Variants in CNTLN observed in about 807,000 individuals in gnomAD.
CNTLN encodes centlein, centrosomal protein.
Under a neutral mutation model 180.0 loss-of-function variants are expected in CNTLN, and 212 were observed. The ratio of observed to expected loss-of-function variants is 1.18; its 90% CI spans 1.05 to 1.32. The LOEUF (loss-of-function observed/expected upper bound fraction) is 1.32, where lower values mean the gene tolerates loss of function less well. Ranked by LOEUF, CNTLN falls within the 40% of genes most tolerant of loss-of-function variation. CNTLN has a pLI of 0.00. For synonymous variants in CNTLN, 722 were observed against 563.1 expected, an observed-to-expected ratio of 1.28 and a Z score of -3.99; for missense variants, 2,095 against 1,610.9, an observed-to-expected ratio of 1.30 and a Z score of -5.14.
intron 7 of CNTLN, among the ~76,000 whole-genome samples, chr9:17,308,415 AC>A (rs1818885727): frequency 6.6e-6 from 1 of 152,078 alleles, no homozygotes; most frequent in Admixed American, 6.6e-5. Flanking sequence ...CTACAGCCTT[AC>A]TGCTTGACTT....
At chr9:17,308,334 C>T (rs1818878209) in intron 7 of CNTLN, among the ~76,000 whole-genome samples, 2 of 152,194 alleles carry the variant, frequency 1.3e-5, no homozygotes, top group Admixed American at 1.3e-4. Context: ...TTAAGGTTTT[C>T]AGTAACTCCC....
At chr9:17,389,998 G>A (rs1313037916) in intron 14 of CNTLN, among the ~76,000 whole-genome samples, 1 of 152,104 alleles carries the variant, frequency 6.6e-6, no homozygotes, top group African/African-American at 2.4e-5. Flanking sequence ...GGAAGTCCAT[G>A]TGAAGACACA....
chr9:17,398,230 G>C (rs1320077767), intron 15 of CNTLN, among the ~76,000 whole-genome samples: 1 of 152,152 alleles, frequency 6.6e-6, no homozygotes, highest in Non-Finnish European at 1.5e-5. Flanking sequence ...GAAGTTTGTA[G>C]TGTTATTGAA....
intron 6 of CNTLN, among the ~76,000 whole-genome samples, chr9:17,282,969 C>T (rs764609987): frequency 5.9e-5 from 9 of 152,030 alleles, no homozygotes; most frequent in East Asian, 1.9e-4. Context: ...GTACCAGTAC[C>T]GTGTTGTTTT....
At chr9:17,268,747 A>T (rs201031031) in intron 5 of CNTLN, among the ~76,000 whole-genome samples, 3 of 147,962 alleles carry the variant, frequency 2.0e-5, no homozygotes, top group African/African-American at 5.0e-5. Context: ...AATGGCAGGC[A>T]CTCCTCCCCC....
intron 2 of CNTLN, among the ~76,000 whole-genome samples, chr9:17,197,239 T>C (rs1472838875): frequency 6.6e-6 from 1 of 152,236 alleles, no homozygotes; most frequent in Non-Finnish European, 1.5e-5. Flanking sequence ...ACTGTTCTAA[T>C]TTACGTGTTC....
At position 17,497,330 on chromosome 9, in the gene CNTLN, G is replaced by A. The variant is rs149539873; in HGVS notation, c.4120-5221G>A. Among the ~76,000 whole-genome samples, 306 of 152,248 alleles carry A rather than the reference G, an allele frequency of 2.0e-3. 1 individual carries two copies. Among genetic ancestry groups the A allele is most frequent in the Middle Eastern group, 0.017 (5 of 294 alleles). On this transcript the variant is annotated intron_variant, in intron 25 of 25. Coordinates refer to ENST00000380647, the MANE Select transcript of CNTLN (RefSeq NM_017738.4). ...ATAGTGTCACACAGGAACCAGACAAGAAGCCTAATCACAGCCTAGAGATGC... is the reference window on the plus strand; with the variant it reads ...ATAGTGTCACACAGGAACCAGACAAAAAGCCTAATCACAGCCTAGAGATGC...
At chr9:17,294,877 G>A (rs1197848970) in intron 6 of CNTLN, among the ~76,000 whole-genome samples, 5 of 79,072 alleles carry the variant, frequency 6.3e-5, no homozygotes, top group Non-Finnish European at 1.1e-4. Flanking sequence ...CGGAGGGAGT[G>A]GGGGGAGGGG....
intron 2 of CNTLN, among the ~76,000 whole-genome samples, chr9:17,194,665 C>A (rs1158565048): frequency 2.6e-5 from 4 of 152,130 alleles, no homozygotes; most frequent in Non-Finnish European, 4.4e-5. Context: ...TCTGAGCCCT[C>A]CAAACTGTTC....
chr9:17,310,416 C>G (rs757577384), intron 8 of CNTLN, among the ~76,000 whole-genome samples: 1 of 152,102 alleles, frequency 6.6e-6, no homozygotes, highest in Non-Finnish European at 1.5e-5. Flanking sequence ...TTTGTTTTCA[C>G]TGTTTAAAAA....
At chr9:17,184,070 A>G (rs1451663399) in intron 2 of CNTLN, among the ~76,000 whole-genome samples, 1 of 152,134 alleles carries the variant, frequency 6.6e-6, no homozygotes, top group Non-Finnish European at 1.5e-5. Context: ...TATGAGAAGC[A>G]ACGAATAATC....
Position 17,388,211 on chromosome 9 carries a change from A to G in CNTLN, c.2037A>G (p.Pro679=). The change falls in exon 14 of 26, where the codon CCA becomes CCG. Residue 679 remains proline (P), a synonymous_variant. Coordinates refer to ENST00000380647, the MANE Select transcript of CNTLN (RefSeq NM_017738.4). ...GEDDEVKRST[P]EKNGKEMLEQ... ...ATGATGAGGTCAAGAGGAGTACTCC[A>G]GAGAAGAATGGAAAAGAAATGTTGG... 4 of 1,612,630 alleles carry G rather than the reference A, an allele frequency of 2.5e-6. No individual in the cohort carries two copies. The South Asian group carries it at 4.4e-5, about 18-fold the overall frequency.
chr9:17,270,058 G>A (rs1827819858), intron 5 of CNTLN, among the ~76,000 whole-genome samples: 1 of 151,614 alleles, frequency 6.6e-6, no homozygotes, highest in African/African-American at 2.4e-5. Flanking sequence ...TTGTTTTTTT[G>A]GTGGAAGATC....
chr9:17,517,007 T>A, the CNTLN span, among the ~76,000 whole-genome samples: 2 of 151,596 alleles, frequency 1.3e-5, no homozygotes, highest in Non-Finnish European at 2.9e-5. Context: ...AATGTTACAT[T>A]CCTAAAGTAA....
chr9:17,181,883 A>G (rs1411820186), intron 2 of CNTLN, among the ~76,000 whole-genome samples: 4 of 152,180 alleles, frequency 2.6e-5, no homozygotes, highest in Non-Finnish European at 4.4e-5. Flanking sequence ...TTCCACTGTC[A>G]TCACGGGAGG....
chr9:17,289,266 G>A (rs1034359640), intron 6 of CNTLN, among the ~76,000 whole-genome samples: 2 of 97,356 alleles, frequency 2.1e-5, no homozygotes, highest in African/African-American at 1.0e-4. Flanking sequence ...CTTCACTTAT[G>A]AAGCTTAGTT....
chr9:17,269,169 C>T (rs1827751413), intron 5 of CNTLN, among the ~76,000 whole-genome samples: 1 of 152,174 alleles, frequency 6.6e-6, no homozygotes, highest in Non-Finnish European at 1.5e-5. Context: ...TCCTATTCGG[C>T]CATGTTGGCT....
At chr9:17,338,387 G>C (rs944814921) in intron 10 of CNTLN, among the ~76,000 whole-genome samples, 1 of 138,056 alleles carries the variant, frequency 7.2e-6, no homozygotes, top group South Asian at 2.3e-4. Context: ...TGGCCAGTCC[G>C]GTCTCAAACT....
In CNTLN at chr9:17,147,700, A is replaced by C. The variant is rs1818550935; in HGVS notation, c.449+4324A>C. On this transcript the variant is annotated intron_variant, in intron 2 of 25. Transcript: ENST00000380647. The stretch of plus-strand genomic sequence containing the variant: ...ATTGTCAGTGTTGTGTTGTTAGCTC[A>C]TCCCCTCAGAAAGAAGTATAATATC... 2.0e-5 allele frequency among the ~76,000 whole-genome samples: 3 copies of C among 152,314 alleles called. No individual in the cohort carries two copies. The South Asian group carries it at 6.2e-4, about 32-fold the overall frequency.
Sources: allele counts gnomAD v4.1 joint callset (sites outside exome capture counted in the v4.1 genomes callset), GRCh38; gene constraint gnomAD v4.1.1; transcripts MANE v1.5; gene names NCBI Gene and HGNC (gene_info 2026-07-23, HGNC 2026-07-21).